TAB2: variants seen among roughly 807,000 people sequenced by gnomAD.
The protein encoded by TAB2 is TGF-beta-activated kinase 1 and MAP3K7-binding protein 2.
Under a neutral mutation model 65.0 loss-of-function variants are expected in TAB2, and 3 were observed. The observed-to-expected ratio is 0.05, with a 90% CI of 0.02 to 0.12. The LOEUF is 0.12. TAB2 is among the 10% of genes least tolerant of loss of function. The pLI is 1.00. For missense variants in TAB2, 623 were observed against 840.3 expected (o/e 0.74, Z 3.20); for synonymous variants, 298 against 285.1 (o/e 1.05, Z -0.46).
intron 1 of TAB2, among the ~76,000 whole-genome samples, chr6:149,319,738 C>G (rs1779374162): frequency 6.6e-6 from 1 of 152,146 alleles, no homozygotes; most frequent in Admixed American, 6.5e-5. Flanking sequence ...AATAAGTTAT[C>G]CCCTGAATAT....
chr6:149,352,656 C>T (rs191584181), intron 1 of TAB2, among the ~76,000 whole-genome samples: 2 of 152,308 alleles, frequency 1.3e-5, no homozygotes, highest in Non-Finnish European at 2.9e-5. Context: ...CCCTGCCTTT[C>T]ATTTACTGTG....
chr6:149,223,388 C>A (rs1777196750), intron 1 of TAB2, among the ~76,000 whole-genome samples: 1 of 152,340 alleles, frequency 6.6e-6, no homozygotes, highest in East Asian at 1.9e-4. Flanking sequence ...CAACTGATTT[C>A]TAAGACTCGT....
chr6:149,247,002 T>C (rs62428470), intron 1 of TAB2: 32,251 of 152,674 alleles, frequency 0.21, 3,774 homozygotes, highest in East Asian at 0.35. Flanking sequence ...CAGTTCCTTA[T>C]CCCCAACCTT....
intron 1 of TAB2, among the ~76,000 whole-genome samples, chr6:149,233,809 T>G (rs1777447987): frequency 6.6e-6 from 1 of 152,216 alleles, no homozygotes; most frequent in Non-Finnish European, 1.5e-5. Flanking sequence ...CTGCAATTAC[T>G]TCTGCACCAA....
chr6:149,278,027 G>A (rs560656805), intron 1 of TAB2, among the ~76,000 whole-genome samples: 9 of 152,238 alleles, frequency 5.9e-5, no homozygotes, highest in East Asian at 3.9e-4. Flanking sequence ...TCTCCCTAGC[G>A]AAGCTAATTT....
intron 1 of TAB2, among the ~76,000 whole-genome samples, chr6:149,274,445 T>C (rs1033188508): frequency 2.0e-5 from 3 of 152,256 alleles, no homozygotes; most frequent in Non-Finnish European, 4.4e-5. Flanking sequence ...AATATTATCA[T>C]GGCTTTGTCC....
chr6:149,302,417 TGGAAAGATGGCCCTAATAAAA>T (rs1180311416), intron 1 of TAB2, among the ~76,000 whole-genome samples: 1 of 152,232 alleles, frequency 6.6e-6, no homozygotes, highest in African/African-American at 2.4e-5. Context: ...TTTTATGGCT[TGGAAAGATGGCCCTAATAAAA>T]GGTAGTTAAT....
chr6:149,364,479 C>T (rs1246572158), intron 1 of TAB2, among the ~76,000 whole-genome samples: 1 of 152,052 alleles, frequency 6.6e-6, no homozygotes, highest in South Asian at 2.1e-4. Flanking sequence ...GTGCAGAAGA[C>T]GCAGACAGAA....
rs148817004 is a variant in TAB2 at position 149,291,177 on chromosome 6, T to C, written c.-121+72401T>C. 3.2e-3 allele frequency among the ~76,000 whole-genome samples: 481 copies of C among 152,306 alleles called. 2 individuals are homozygous for C. The highest frequency in any genetic ancestry group is 0.011 in the African/African-American group (455 of 41,564). On this transcript the variant is annotated intron_variant, in intron 1 of 1. Coordinates refer to the TAB2 transcript ENST00000606202. ...GTGAACTCTTGTTTATTTGGAATGATTGGGGAGAACATAATCTGGGATCTG... is the reference window on the plus strand; with the variant it reads ...GTGAACTCTTGTTTATTTGGAATGACTGGGGAGAACATAATCTGGGATCTG...
intron 1 of TAB2, among the ~76,000 whole-genome samples, chr6:149,239,176 C>A (rs1243573307): frequency 1.1e-4 from 16 of 152,332 alleles, no homozygotes. Flanking sequence ...AGCATTTGTG[C>A]TTCCAATGAG....
chr6:149,367,728 G>T (rs1488701262), intron 1 of TAB2, among the ~76,000 whole-genome samples: 4 of 152,092 alleles, frequency 2.6e-5, no homozygotes, highest in African/African-American at 9.7e-5. Flanking sequence ...GGAAAAATTG[G>T]TTAGATTAAG....
At chr6:149,312,669 T>G (rs905376300) in intron 1 of TAB2, among the ~76,000 whole-genome samples, 5 of 152,370 alleles carry the variant, frequency 3.3e-5, no homozygotes, top group African/African-American at 1.2e-4. Context: ...TGCCTCCATG[T>G]GTTTTGAAAC....
intron 1 of TAB2, among the ~76,000 whole-genome samples, chr6:149,237,290 A>C (rs1236824589): frequency 6.6e-6 from 1 of 152,190 alleles, no homozygotes; most frequent in Non-Finnish European, 1.5e-5. Flanking sequence ...CCTACTTGCT[A>C]ATGTACAATC....
At chr6:149,287,070 C>T (rs1562400826) in intron 1 of TAB2, among the ~76,000 whole-genome samples, 3 of 152,098 alleles carry the variant, frequency 2.0e-5, no homozygotes, top group South Asian at 2.1e-4. Flanking sequence ...TGAGCCGAGA[C>T]GGAGCCACTG....
intron 1 of TAB2, among the ~76,000 whole-genome samples, chr6:149,337,069 T>G (rs1208839712): frequency 6.6e-6 from 1 of 152,200 alleles, no homozygotes; most frequent in African/African-American, 2.4e-5. Flanking sequence ...ACAGATATTT[T>G]CAGATTACAG....
intron 3 of TAB2, among the ~76,000 whole-genome samples, chr6:149,396,238 G>C (rs187298700): frequency 6.6e-6 from 1 of 152,114 alleles, no homozygotes; most frequent in African/African-American, 2.4e-5. Context: ...GTCTGGTCTC[G>C]AACTCCTGAC....
intron 3 of TAB2, among the ~76,000 whole-genome samples, chr6:149,382,330 G>T (rs1257687055): frequency 7.9e-5 from 12 of 152,236 alleles, no homozygotes; most frequent in Admixed American, 7.2e-4. Flanking sequence ...GGGCACGGTG[G>T]CTCACGCCTG....
intron 1 of TAB2, among the ~76,000 whole-genome samples, chr6:149,369,427 A>T (rs1392349566): frequency 1.3e-5 from 2 of 152,230 alleles, no homozygotes; most frequent in Non-Finnish European, 2.9e-5. Flanking sequence ...TTGTGCATTT[A>T]AGGATTAAGT....
intron 1 of TAB2, among the ~76,000 whole-genome samples, chr6:149,320,319 C>T (rs1203082539): frequency 6.6e-6 from 1 of 152,162 alleles, no homozygotes; most frequent in East Asian, 1.9e-4. Context: ...TTAGGTGATC[C>T]ACCCGCCTCA....
Sources: gnomAD v4.1 joint callset for allele counts (sites outside exome capture counted in the v4.1 genomes callset) on GRCh38, gnomAD v4.1.1 for gene constraint, MANE v1.5 for transcripts, NCBI Gene and HGNC (gene_info 2026-07-23, HGNC 2026-07-21) for gene names.